The following PCDHGA3 variants were observed in gnomAD, a reference collection of about 807,000 sequenced individuals.
The protein encoded by PCDHGA3 is protocadherin gamma-A3.
Under a neutral mutation model 58.5 loss-of-function variants are expected in PCDHGA3, and 40 were observed. The observed-to-expected ratio is 0.68, with a 90% CI of 0.53 to 0.89. PCDHGA3 has a LOEUF of 0.89. Among genes scored for constraint, PCDHGA3 ranks in the 40% least tolerant of loss-of-function variants. PCDHGA3 has a pLI of 0.00. For missense variants in PCDHGA3, 1,223 were observed against 1,195.9 expected, an observed-to-expected ratio of 1.02 and a Z score of -0.33; for synonymous variants, 530 against 525.7, an observed-to-expected ratio of 1.01 and a Z score of -0.11.
Position 141,485,855 on chromosome 5 carries a change from C to A in PCDHGA3, c.2425-8952C>A. ...CCCGCCGAGATCTGGCACCGCAGAG[C>A]TCCGGGTATCCGTGCTGGACGTAAA... On this transcript the variant is annotated intron_variant, in intron 1 of 3. Transcript: ENST00000253812. The surrounding 1 kb of genome is among the most constrained non-coding windows in gnomAD (Gnocchi z 5.7). 6.2e-7 allele frequency: 1 copy of A among 1,614,196 alleles called. No homozygotes were observed. Among genetic ancestry groups the A allele is most frequent in the Non-Finnish European group, 8.5e-7 (1 of 1,180,036 alleles).
intron 1 of PCDHGA3, chr5:141,403,259 C>T: frequency 6.2e-7 from 1 of 1,613,866 alleles, no homozygotes; most frequent in Admixed American, 1.7e-5. Context: ...CCCGCGGTGT[C>T]TGGTGAACTT....
At chr5:141,387,714 A>G in intron 1 of PCDHGA3, 1 of 1,059,158 alleles carries the variant, frequency 9.4e-7, no homozygotes, top group East Asian at 2.6e-5. Context: ...GCCCCAGCTC[A>G]GACTCCCCAG....
At chr5:141,395,092 C>CT (rs2093168204) in intron 1 of PCDHGA3, 4 of 1,614,088 alleles carry the variant, frequency 2.5e-6, no homozygotes, top group Non-Finnish European at 3.4e-6. Context: ...GTCTCCCTCA[C>CT]CGCCGACTCG....
chr5:141,359,946 T>A, intron 1 of PCDHGA3: 1 of 524,822 alleles, frequency 1.9e-6, no homozygotes, highest in Non-Finnish European at 3.1e-6. Flanking sequence ...TCGCTGTTGG[T>A]CAAAAGAACG....
intron 1 of PCDHGA3, chr5:141,394,020 A>G (rs1311759353): frequency 6.2e-7 from 1 of 1,613,426 alleles, no homozygotes; most frequent in African/African-American, 1.3e-5. Context: ...TAATTATTAT[A>G]GATTAGTGAC....
In PCDHGA3 at chr5:141,351,776, C is replaced by G. The variant is rs772478650; in HGVS notation, c.2424+5319C>G. The G allele has an allele frequency of 2.1e-4, 346 of 1,613,404 alleles. 3 individuals carry two copies. In the East Asian group the frequency reaches 7.0e-3, roughly 33 times the overall value. On this transcript the variant is annotated intron_variant, in intron 1 of 3. Transcript: ENST00000253812. ...GTTGTCCTACGTGTCCGTGAGCCCG[C>G]AGAGCGGGGTGGTGTTCGCGCAGCG... is the stretch of plus-strand genomic sequence containing the variant.
rs775153988 is a variant in PCDHGA3 at position 141,485,268 on chromosome 5, G to A, written c.2425-9539G>A. On this transcript the variant is annotated intron_variant, in intron 1 of 3. Coordinates refer to ENST00000253812, the MANE Select transcript of PCDHGA3 (RefSeq NM_018916.4). This position sits in a 1 kb window ranked among gnomAD's most constrained non-coding sequence, Gnocchi z 5.7. ...CTGGGTTACGTTTGTGGGCAGATCC[G>A]CTACCCGGTCCCAGAGGAGTCACAG... 6.2e-7 allele frequency: 1 copy of A among 1,614,100 alleles called. No homozygotes were observed. Among genetic ancestry groups the A allele is most frequent in the Non-Finnish European group, 8.5e-7 (1 of 1,179,936 alleles).
At chr5:141,356,282 C>T in intron 1 of PCDHGA3, 2 of 1,557,612 alleles carry the variant, frequency 1.3e-6, no homozygotes, top group Non-Finnish European at 1.7e-6. Flanking sequence ...GAATCTTCTT[C>T]CCCGGGTACA....
intron 1 of PCDHGA3, among the ~76,000 whole-genome samples, chr5:141,401,908 T>C (rs942184637): frequency 1.3e-5 from 2 of 152,238 alleles, no homozygotes; most frequent in Admixed American, 1.3e-4. Flanking sequence ...CAAATTATTA[T>C]ATAAGTTTAA....
intron 1 of PCDHGA3, chr5:141,357,413 C>A (rs374712311): frequency 6.2e-7 from 1 of 1,614,132 alleles, no homozygotes; most frequent in African/African-American, 1.3e-5. Flanking sequence ...GTGCCTGCCT[C>A]GCACTTTGTG....
chr5:141,421,541 T>A (rs1235004908), intron 1 of PCDHGA3: 9 of 1,613,912 alleles, frequency 5.6e-6, no homozygotes, highest in African/African-American at 1.3e-5. Flanking sequence ...TCCTGTTTTT[T>A]AAATATGGAA....
At chr5:141,351,834 A>G (rs1351057422) in intron 1 of PCDHGA3, 2 of 1,613,230 alleles carry the variant, frequency 1.2e-6, no homozygotes, top group Non-Finnish European at 1.7e-6. Context: ...CGCGCCTTCG[A>G]GCTCACACTG....
chr5:141,495,080 G>A (rs73794925), intron 2 of PCDHGA3, among the ~76,000 whole-genome samples: 1 of 152,258 alleles, frequency 6.6e-6, no homozygotes, highest in African/African-American at 2.4e-5. Flanking sequence ...TCACATGCTT[G>A]CCCCTTCCCT....
chr5:141,419,065 C>G (rs763008753), intron 1 of PCDHGA3: 2 of 1,613,786 alleles, frequency 1.2e-6, no homozygotes, highest in South Asian at 2.2e-5. Context: ...ATAATTACTA[C>G]AAGCTAGTAA....
chr5:141,502,126 A>C (rs2154593060), intron 2 of PCDHGA3, among the ~76,000 whole-genome samples: 1 of 152,252 alleles, frequency 6.6e-6, no homozygotes, highest in South Asian at 2.1e-4. Flanking sequence ...AGGCCCACAG[A>C]GCTCAGTCGG....
rs763404019 is a variant in PCDHGA3 at position 141,345,771 on chromosome 5, C to T, written c.1738C>T (p.Arg580Cys). The T allele has an allele frequency of 1.6e-5, 26 of 1,614,170 alleles. 1 individual carries two copies. In the South Asian group the frequency reaches 1.6e-4, roughly 10 times the overall value. ...TTCCACTGGCGTGGAGCTGGCGCCT[C>T]GCTCCGCAGAGCCCGGCTACCTGGT... is the stretch of plus-strand genomic sequence containing the variant. ...DGSTGVELAP[R>C]SAEPGYLVTK... Residue 580 changes from arginine (R) to cysteine (C), a missense_variant, in exon 1 of 4, where the codon CGC (arginine) becomes TGC (cysteine). Around this residue, in one of 3 missense-constraint regions of PCDHGA3, gnomAD observed 107 missense variants for 159.8 expected, o/e 0.67. Transcript: ENST00000253812.
intron 1 of PCDHGA3, among the ~76,000 whole-genome samples, chr5:141,473,965 A>C (rs925515548): frequency 1.1e-4 from 16 of 152,206 alleles, no homozygotes; most frequent in African/African-American, 3.9e-4. Flanking sequence ...TCTACTTAGA[A>C]GTCTGAGGCG....
chr5:141,414,576 G>A, intron 1 of PCDHGA3: 1 of 1,613,898 alleles, frequency 6.2e-7, no homozygotes, highest in Non-Finnish European at 8.5e-7. Context: ...ATATCCCAGA[G>A]AACAACGCCA....
At chr5:141,421,967 T>C (rs760789458) in intron 1 of PCDHGA3, 2 of 1,611,174 alleles carry the variant, frequency 1.2e-6, no homozygotes, top group Admixed American at 3.4e-5. Flanking sequence ...ACACAGTCCG[T>C]ATATCGCGTG....
Sources: gnomAD v4.1 joint callset for allele counts (sites outside exome capture counted in the v4.1 genomes callset) on GRCh38, gnomAD v4.1.1 for gene constraint, gnomAD v4.1.1 regional missense constraint, Gnocchi (gnomAD v3.1) non-coding constraint, MANE v1.5 for transcripts, NCBI Gene and HGNC (gene_info 2026-07-23, HGNC 2026-07-21) for gene names.